Variants in UNC5B observed in about 807,000 individuals in gnomAD.
UNC5B encodes netrin receptor UNC5B.
Under a neutral mutation model 103.7 loss-of-function variants are expected in UNC5B, and 56 were observed. The observed-to-expected ratio is 0.54, with a 90% confidence interval of 0.44 to 0.67. The LOEUF (loss-of-function observed/expected upper bound fraction) is 0.67. Among genes scored for constraint, UNC5B ranks in the 30% least tolerant of loss-of-function variants. The pLI, the probability that UNC5B is intolerant of heterozygous loss-of-function variation, is 0.00. For missense variants in UNC5B, 1,194 were observed against 1,284.5 expected, an observed-to-expected ratio of 0.93 and a Z score of 1.08; for synonymous variants, 577 against 542.0, an observed-to-expected ratio of 1.06 and a Z score of -0.90.
chr10:71,233,846 T>C (rs115540302), intron 1 of UNC5B, among the ~76,000 whole-genome samples: 2,423 of 152,286 alleles, frequency 0.016, 55 homozygotes, highest in African/African-American at 0.051. Context: ...CCCTGGGAGA[T>C]GAACTGGTCC....
In UNC5B at chr10:71,212,932, T is replaced by G; in HGVS notation, c.-54T>G. On this transcript the variant is annotated 5_prime_UTR_variant, in exon 1 of 17. Coordinates refer to ENST00000335350, the MANE Select transcript of UNC5B (RefSeq NM_170744.5). ...GCGGCGGAGACGGCGGCGGCGAGAC[T>G]GGGGCCAGGGAGACAGCCCTGGGGG... The G allele has an allele frequency of 8.1e-7, 1 of 1,236,170 alleles. No homozygotes were observed. The highest frequency in any genetic ancestry group is 3.0e-4 in the Middle Eastern group (1 of 3,354). 76.6% of individuals were successfully genotyped at this position (1,236,170 alleles called of 1,614,324 possible). A position where few individuals can be genotyped will look rare whatever the true frequency, so the allele number is the denominator to read the frequency against.
At chr10:71,294,644 A>T (rs1160540343) in intron 13 of UNC5B, among the ~76,000 whole-genome samples, 1 of 151,846 alleles carries the variant, frequency 6.6e-6, no homozygotes, top group African/African-American at 2.4e-5. Context: ...GACTGATGGG[A>T]TGGGCAGTGG....
chr10:71,231,285 G>A (rs1044482491), intron 1 of UNC5B, among the ~76,000 whole-genome samples: 1 of 152,174 alleles, frequency 6.6e-6, no homozygotes, highest in Non-Finnish European at 1.5e-5. Flanking sequence ...GCGAGAGTAT[G>A]GGCTCGGCCA....
rs2132323627 is a variant in UNC5B at position 71,302,540 on chromosome 10, G to A, written c.*3263G>A. On this transcript the variant is annotated 3_prime_UTR_variant, in exon 17 of 17. Coordinates refer to ENST00000335350, the MANE Select transcript of UNC5B (RefSeq NM_170744.5). Reference sequence around the variant, plus strand: ...CTCAGGGGTAGGGGTTCTCCTGAGGGTGCAGGGGATCCTTCTCATCTCCTG... The same window carrying A: ...CTCAGGGGTAGGGGTTCTCCTGAGGATGCAGGGGATCCTTCTCATCTCCTG... The A allele has an allele frequency of 6.6e-6, 1 of 152,366 alleles. No individual in the cohort carries two copies. Among genetic ancestry groups the A allele is most frequent in the East Asian group, 1.9e-4 (1 of 5,170 alleles). 9.4% of individuals were successfully genotyped at this position (152,366 alleles called of 1,614,324 possible).
chr10:71,243,034 G>C (rs1437245398), intron 1 of UNC5B, among the ~76,000 whole-genome samples: 1 of 152,128 alleles, frequency 6.6e-6, no homozygotes, highest in Admixed American at 6.5e-5. Flanking sequence ...GGAGTTCAAG[G>C]CCAGCCTGGC....
At chr10:71,296,100 C>A in intron 14 of UNC5B, 140 bp downstream of exon 14, 1 of 1,246,658 alleles carries the variant, frequency 8.0e-7, no homozygotes, top group Non-Finnish European at 1.1e-6. Flanking sequence ...TGTCTCCTCC[C>A]ACCCCAGTCT....
At position 71,256,427 on chromosome 10, in the gene UNC5B, A is replaced by G. The variant is rs1459672999; in HGVS notation, c.80-23394A>G. 2.0e-5 allele frequency among the ~76,000 whole-genome samples: 3 copies of G among 152,342 alleles called. No individual in the cohort carries two copies. The East Asian group carries it at 5.8e-4, about 29-fold the overall frequency. ...CTGCCTGGGCCCAGTGTACTTATGG[A>G]CTAATGGAAGCTCGAATGGAGGGAG... On this transcript the variant is annotated intron_variant, in intron 1 of 16. Transcript: ENST00000335350.
At chr10:71,236,832 T>G (rs185971968) in intron 1 of UNC5B, among the ~76,000 whole-genome samples, 52 of 152,310 alleles carry the variant, frequency 3.4e-4, no homozygotes, top group African/African-American at 1.3e-3. Context: ...AACCCCCATA[T>G]TTATCATTCC....
intron 1 of UNC5B, among the ~76,000 whole-genome samples, chr10:71,237,409 G>A (rs942297150): frequency 5.9e-5 from 9 of 152,166 alleles, no homozygotes; most frequent in African/African-American, 1.2e-4. Flanking sequence ...AGAGAGAGCC[G>A]TCTCACTCAG....
At position 71,287,644 on chromosome 10, in the gene UNC5B, C is replaced by G. The variant is rs1223442874; in HGVS notation, c.780C>G (p.Asn260Lys). Residue 260 changes from asparagine (N) to lysine (K), a missense_variant, in exon 6 of 17, where the codon AAC (asparagine) becomes AAG (lysine). Physicochemically the swap from Asn to Lys is moderately conservative, Grantham distance 94. Coordinates refer to ENST00000335350, the MANE Select transcript of UNC5B (RefSeq NM_170744.5). ...SSWAEWSPCS[N>K]RCGRGWQKRT... The stretch of plus-strand genomic sequence containing the variant: ...GGGCAGAGTGGTCACCCTGCTCCAA[C>G]CGCTGTGGCCGAGGCTGGCAGAAGC... 6.2e-7 allele frequency: 1 copy of G among 1,612,150 alleles called. No homozygotes were observed. Among genetic ancestry groups the G allele is most frequent in the Non-Finnish European group, 8.5e-7 (1 of 1,179,356 alleles).
Position 71,293,546 on chromosome 10 carries a change from G to A in UNC5B, c.1914G>A (p.Lys638=). The A allele has an allele frequency of 6.2e-7, 1 of 1,613,918 alleles. No individual in the cohort carries two copies. Residue 638 remains lysine (K), a synonymous_variant, in exon 12 of 17, where the codon AAG becomes AAA. Coordinates refer to ENST00000335350, the MANE Select transcript of UNC5B (RefSeq NM_170744.5). ...VSARDWIFQL[K]TQAHQGHWEE... ...CCCGTGACTGGATCTTTCAGCTCAA[G>A]ACCCAGGCCCACCAGGGCCACTGGG...
intron 11 of UNC5B, 67 bp from the exon 12 acceptor site, chr10:71,293,338 C>T: frequency 1.3e-6 from 2 of 1,521,478 alleles, no homozygotes; most frequent in Non-Finnish European, 8.8e-7. Context: ...GACTTGGGAG[C>T]CCAGCAGGAG....
chr10:71,284,325 AC>A lies in UNC5B; in HGVS notation c.305-392del, dbSNP rs1266414845. On this transcript the variant is annotated intron_variant, in intron 2 of 16. Coordinates refer to ENST00000335350, the MANE Select transcript of UNC5B (RefSeq NM_170744.5). ...CAGGGAACATGAGGGCCTGGAAGAC[AC>A]CCGGTGAGGCTGCAGTGGGATGGGG... is the stretch of plus-strand genomic sequence containing the variant. Among the ~76,000 whole-genome samples the A allele has an allele frequency of 7.2e-5, 11 of 152,044 alleles. 1 individual carries two copies. Among genetic ancestry groups the A allele is most frequent in the Non-Finnish European group, 1.5e-4 (10 of 67,982 alleles).
intron 1 of UNC5B, among the ~76,000 whole-genome samples, chr10:71,221,838 G>A (rs1294344829): frequency 6.6e-6 from 1 of 152,198 alleles, no homozygotes; most frequent in East Asian, 1.9e-4. Context: ...AGAGCAAGTT[G>A]CTTACCCTCT....
chr10:71,228,533 A>C (rs34289259), intron 1 of UNC5B, among the ~76,000 whole-genome samples: 3,443 of 152,368 alleles, frequency 0.023, 66 homozygotes, highest in Non-Finnish European at 0.037. Flanking sequence ...CAAAGGATCA[A>C]GCCCTCACAG....
chr10:71,235,507 G>A (rs1454265951), intron 1 of UNC5B, among the ~76,000 whole-genome samples: 3 of 152,228 alleles, frequency 2.0e-5, no homozygotes, highest in African/African-American at 7.2e-5. Context: ...TCCGTGGTCA[G>A]CGTTCCTCAG....
Position 71,291,609 on chromosome 10 carries a change from G to A in UNC5B, c.1472G>A (p.Gly491Asp). The A allele has an allele frequency of 6.2e-7, 1 of 1,614,080 alleles. No homozygotes were observed. The highest frequency in any genetic ancestry group is 8.5e-7 in the Non-Finnish European group (1 of 1,180,028). ...KVKVYSSSTT[G>D]SGPGLADGAD... is the part of the protein sequence containing the mutation. ...AAGGTCTACAGCTCCAGCACCACGG[G>A]CTCTGGGCCAGGCCTGGCAGATGGG... Residue 491 changes from glycine to aspartate, a missense_variant, in exon 10 of 17, where the codon GGC becomes GAC. Gly to Asp is a moderately conservative substitution (Grantham distance 94). Coordinates refer to ENST00000335350, the MANE Select transcript of UNC5B (RefSeq NM_170744.5).
intron 1 of UNC5B, among the ~76,000 whole-genome samples, chr10:71,245,097 C>G (rs141971901): frequency 3.3e-5 from 5 of 152,246 alleles, no homozygotes; most frequent in African/African-American, 4.8e-5. Flanking sequence ...CTATTGTCCC[C>G]GGGCTCCCTT....
chr10:71,253,178 A>C (rs1844213967), intron 1 of UNC5B, among the ~76,000 whole-genome samples: 2 of 110,094 alleles, frequency 1.8e-5, no homozygotes, highest in African/African-American at 3.3e-5. Context: ...CTTGCTGCAG[A>C]CTCCAACCTC....
Sources: gnomAD v4.1 joint callset for allele counts (sites outside exome capture counted in the v4.1 genomes callset) on GRCh38, gnomAD v4.1.1 for gene constraint, MANE v1.5 for transcripts, NCBI Gene and HGNC (gene_info 2026-07-23, HGNC 2026-07-21) for gene names.